AATF: variants seen among roughly 807,000 people sequenced by gnomAD.
AATF encodes the protein apoptosis antagonizing transcription factor, also known as protein AATF.
Under a neutral mutation model 63.7 loss-of-function variants are expected in AATF, and 48 were observed. The observed-to-expected ratio is 0.75, with a 90% CI of 0.60 to 0.96. The LOEUF (loss-of-function observed/expected upper bound fraction) is 0.96. Among genes scored for constraint, AATF ranks in the 40% least tolerant of loss-of-function variants. The pLI is 0.00. For synonymous variants in AATF, 258 were observed against 247.7 expected, an observed-to-expected ratio of 1.04 and a Z score of -0.39; for missense variants, 639 against 685.7, an observed-to-expected ratio of 0.93 and a Z score of 0.76.
chr17:37,033,047 C>T lies in AATF; in HGVS notation c.1619+1362C>T, dbSNP rs112275593. 1.9e-3 allele frequency among the ~76,000 whole-genome samples: 293 copies of T among 152,206 alleles called. 3 individuals carry two copies. The highest frequency in any genetic ancestry group is 6.7e-3 in the African/African-American group (277 of 41,528). ...TGCTACCAAATGCCATCAGATTTTC[C>T]CCTCCTTGTCTGAAAGTATGAGATC... On this transcript the variant is annotated intron_variant, in intron 11 of 11. Transcript: ENST00000619387.
At chr17:36,992,579 G>T (rs1207379305) in intron 8 of AATF, among the ~76,000 whole-genome samples, 2 of 151,640 alleles carry the variant, frequency 1.3e-5, no homozygotes, top group Non-Finnish European at 2.9e-5. Context: ...AAATTACTGG[G>T]GAGAAGTTGC....
chr17:37,040,947 C>T (rs1052958310), intron 11 of AATF, among the ~76,000 whole-genome samples: 1 of 152,142 alleles, frequency 6.6e-6, no homozygotes, highest in African/African-American at 2.4e-5. Context: ...GCATGTAATT[C>T]TATTCTCTGC....
intron 8 of AATF, among the ~76,000 whole-genome samples, chr17:36,998,035 G>C (rs768365466): frequency 1.3e-5 from 2 of 152,118 alleles, no homozygotes; most frequent in Admixed American, 6.5e-5. Flanking sequence ...AGGACACAAA[G>C]GCATAAGAAT....
chr17:37,048,928 C>T (rs564948870), intron 11 of AATF, among the ~76,000 whole-genome samples: 4 of 152,160 alleles, frequency 2.6e-5, no homozygotes, highest in South Asian at 2.1e-4. Context: ...TTTAGTCCCT[C>T]GTGTTGGTTG....
rs545748430 is a variant in AATF, at chr17:37,011,236, G to T, written c.1399-7769G>T. Reference sequence around the variant, plus strand: ...AAATTTATACAAAAATTAGCCCGGCGTGGTGGTGCACGCCTGTAATCCCAG... The same window carrying T: ...AAATTTATACAAAAATTAGCCCGGCTTGGTGGTGCACGCCTGTAATCCCAG... On this transcript the variant is annotated intron_variant, in intron 8 of 11. Transcript: ENST00000619387. 5.1e-4 allele frequency among the ~76,000 whole-genome samples: 78 copies of T among 152,222 alleles called. 1 individual carries two copies. In the South Asian group the frequency reaches 9.5e-3, roughly 19 times the overall value.
chr17:37,027,678 C>T (rs1011308543), intron 10 of AATF, among the ~76,000 whole-genome samples: 3 of 152,130 alleles, frequency 2.0e-5, no homozygotes, highest in Admixed American at 6.5e-5. Flanking sequence ...CAACAATTTA[C>T]TATTTTAAGA....
At chr17:36,991,554 T>G (rs1054673874) in intron 8 of AATF, among the ~76,000 whole-genome samples, 2 of 152,058 alleles carry the variant, frequency 1.3e-5, no homozygotes, top group African/African-American at 4.8e-5. Flanking sequence ...CTGAAATAAC[T>G]TCCTGTATTC....
chr17:37,026,418 G>GT (rs1236928399), intron 10 of AATF, among the ~76,000 whole-genome samples: 2 of 152,182 alleles, frequency 1.3e-5, no homozygotes, highest in African/African-American at 2.4e-5. Flanking sequence ...TAGCAATAGC[G>GT]TAAGAACTAA....
chr17:36,981,678 T>TTTCTTC (rs756781425), intron 4 of AATF, among the ~76,000 whole-genome samples: 1 of 150,534 alleles, frequency 6.6e-6, no homozygotes, highest in Non-Finnish European at 1.5e-5. Flanking sequence ...TTCTTTCTTC[T>TTTCTTC]TTCTTCTTCT....
At chr17:37,001,411 GGAAGGAAGGAAGGAAGGA>G (rs2071294867) in intron 8 of AATF, among the ~76,000 whole-genome samples, 4,074 of 106,180 alleles carry the variant, frequency 0.038, 302 homozygotes, top group African/African-American at 0.14. Flanking sequence ...GAGGGAGGAA[GGAAGGAAGGAAGGAAGGA>G]AGGAAGGAAG....
At chr17:37,048,846 G>A (rs2142324455) in intron 11 of AATF, among the ~76,000 whole-genome samples, 1 of 152,260 alleles carries the variant, frequency 6.6e-6, no homozygotes, top group South Asian at 2.1e-4. Context: ...TCTCTCATTT[G>A]TAAAGTCACT....
chr17:36,988,710 A>G lies in AATF; in HGVS notation c.1139A>G (p.Lys380Arg). 6.2e-7 allele frequency: 1 copy of G among 1,613,840 alleles called. No individual in the cohort carries two copies. The highest frequency in any genetic ancestry group is 8.5e-7 in the Non-Finnish European group (1 of 1,179,910). The change falls in exon 6 of 12, where the codon AAA becomes AGA. Residue 380 changes from lysine (K) to arginine (R), a missense_variant. Lys to Arg is a conservative substitution (Grantham distance 26, BLOSUM62 2). Transcript: ENST00000619387. ...GATAAGACCAAACTGGCTTCTGGAA[A>G]ACTGGGGAAGGCAAGTGTGTGTATG... ...WHDKTKLASG[K>R]LGKGFGAFER...
intron 4 of AATF, among the ~76,000 whole-genome samples, chr17:36,964,438 T>C (rs67913862): frequency 0.047 from 7,155 of 152,090 alleles, 542 homozygotes; most frequent in African/African-American, 0.16. Flanking sequence ...ACCCAGAAGG[T>C]GGAGGTTGCG....
At chr17:36,984,174 C>T (rs965793617) in intron 4 of AATF, among the ~76,000 whole-genome samples, 3 of 152,114 alleles carry the variant, frequency 2.0e-5, no homozygotes, top group Non-Finnish European at 2.9e-5. Flanking sequence ...ATATGAATGT[C>T]GGGATTGTTG....
At chr17:37,016,965 C>T (rs901865336) in intron 8 of AATF, among the ~76,000 whole-genome samples, 8 of 152,308 alleles carry the variant, frequency 5.3e-5, no homozygotes, top group African/African-American at 1.7e-4. Context: ...AATAGTTATG[C>T]AAAGCACTTG....
intron 11 of AATF, among the ~76,000 whole-genome samples, chr17:37,044,520 A>G (rs1420233128): frequency 2.0e-5 from 3 of 152,162 alleles, no homozygotes; most frequent in Non-Finnish European, 4.4e-5. Context: ...TAAACTTTGT[A>G]TACACTATAG....
chr17:36,972,102 C>T (rs1383293060), intron 4 of AATF, among the ~76,000 whole-genome samples: 1 of 152,058 alleles, frequency 6.6e-6, no homozygotes, highest in Non-Finnish European at 1.5e-5. Context: ...TCCCAGATAA[C>T]TCTGGGAATA....
At chr17:37,018,360 C>T (rs961374242) in intron 8 of AATF, among the ~76,000 whole-genome samples, 1 of 152,198 alleles carries the variant, frequency 6.6e-6, no homozygotes, top group Non-Finnish European at 1.5e-5. Context: ...GACTAATCCT[C>T]TGTGGTATAT....
At chr17:36,949,300 C>A in intron 1 of AATF, 84 bp downstream of exon 1, 2 of 1,327,476 alleles carry the variant, frequency 1.5e-6, no homozygotes, top group East Asian at 2.8e-5. Flanking sequence ...GGGGCGTGCG[C>A]GAGGCCGCCG....
Sources: gnomAD v4.1 joint callset for allele counts (sites outside exome capture counted in the v4.1 genomes callset) on GRCh38, gnomAD v4.1.1 for gene constraint, MANE v1.5 for transcripts, NCBI Gene and HGNC (gene_info 2026-07-23, HGNC 2026-07-21) for gene names.